Variants in PHACTR2 observed in about 807,000 individuals in gnomAD.
PHACTR2 encodes phosphatase and actin regulator 2.
A neutral mutation model predicts 76.0 loss-of-function variants in PHACTR2; 30 were observed. The ratio of observed to expected loss-of-function variants is 0.39; its 90% confidence interval spans 0.30 to 0.54. PHACTR2 has a LOEUF of 0.54. Ranked by LOEUF, PHACTR2 falls within the 20% of genes least tolerant of loss-of-function variation. The pLI, the probability that PHACTR2 is intolerant of heterozygous loss-of-function variation, is 0.61. For missense variants in PHACTR2, 696 were observed against 781.1 expected (o/e 0.89, Z 1.30); for synonymous variants, 292 against 292.5 (o/e 1.00, Z 0.02).
At chr6:143,636,333 T>G (rs1368534465) in intron 1 of PHACTR2, among the ~76,000 whole-genome samples, 1 of 152,114 alleles carries the variant, frequency 6.6e-6, no homozygotes, top group Non-Finnish European at 1.5e-5. Context: ...ACATAAGGGG[T>G]GAGGTTGGGA....
At chr6:143,665,153 A>G (rs1777012023) in intron 1 of PHACTR2, among the ~76,000 whole-genome samples, 1 of 152,212 alleles carries the variant, frequency 6.6e-6, no homozygotes, top group African/African-American at 2.4e-5. Context: ...TCAGTGATTA[A>G]TTACTTTTAG....
At position 143,777,229 on chromosome 6, in the gene PHACTR2, T is replaced by A; in HGVS notation, c.1590-99T>A. The A allele has an allele frequency of 1.6e-6, 1 of 630,562 alleles. No homozygotes were observed. The highest frequency in any genetic ancestry group is 3.3e-5 in the Admixed American group (1 of 30,184). The allele number at this position is 630,562 out of a possible 1,614,324, so 39.1% of individuals were successfully genotyped here. On this transcript the variant is annotated intron_variant, in intron 8 of 12. Coordinates refer to ENST00000440869, the MANE Select transcript of PHACTR2 (RefSeq NM_001100164.2). The surrounding 1 kb of genome is among the most constrained non-coding windows in gnomAD (Gnocchi z 4.6). Reference sequence around the variant, plus strand: ...TGCAGCTTTAAAAATGGATTTTTATTTCTCAAAACATGAAAAATAGAGCTT... The same window carrying A: ...TGCAGCTTTAAAAATGGATTTTTATATCTCAAAACATGAAAAATAGAGCTT...
In PHACTR2 at chr6:143,710,338, C is replaced by T. The variant is rs765254451; in HGVS notation, c.47-1678C>T. Among the ~76,000 whole-genome samples the T allele has an allele frequency of 3.9e-5, 6 of 152,198 alleles. No homozygotes were observed. The highest frequency in any genetic ancestry group is 8.8e-5 in the Non-Finnish European group (6 of 68,030). ...CCCTTGGCCTTACAGAATTTTCTTA[C>T]ATTTTTATGTAACACCCGTGGTTGT... is the stretch of plus-strand genomic sequence containing the variant. On this transcript the variant is annotated intron_variant, in intron 1 of 12. Coordinates refer to ENST00000440869, the MANE Select transcript of PHACTR2 (RefSeq NM_001100164.2). The surrounding 1 kb of genome is among the most constrained non-coding windows in gnomAD (Gnocchi z 4.9).
At position 143,549,354 on chromosome 6, in the gene PHACTR2, C is replaced by T. The variant is rs536789467; in HGVS notation, c.217+12147C>T. On this transcript the variant is annotated intron_variant, in intron 1 of 11. Transcript: ENST00000367584. This position sits in a 1 kb window ranked among gnomAD's most constrained non-coding sequence, Gnocchi z 4.2. The stretch of plus-strand genomic sequence containing the variant: ...TGGATTCAGAGGCCTGCTCGGGGTG[C>T]GGGATGGCATTCCTTTGGCTTAATC... Among the ~76,000 whole-genome samples, 3 of 152,132 alleles carry T rather than the reference C, an allele frequency of 2.0e-5. No homozygotes were observed. The highest frequency in any genetic ancestry group is 4.8e-5 in the African/African-American group (2 of 41,550).
At chr6:143,719,561 G>T (rs1016789533) in intron 2 of PHACTR2, among the ~76,000 whole-genome samples, 4 of 148,982 alleles carry the variant, frequency 2.7e-5, no homozygotes, top group African/African-American at 9.8e-5. Context: ...TGTTAGCCAG[G>T]CTGGTCTTGA....
At position 143,656,975 on chromosome 6, in the gene PHACTR2, C is replaced by G. The variant is rs1776859243; in HGVS notation, c.13+48653C>G. On this transcript the variant is annotated intron_variant, in intron 1 of 11. Coordinates refer to the PHACTR2 transcript ENST00000305766. This position sits in a 1 kb window ranked among gnomAD's most constrained non-coding sequence, Gnocchi z 5.3. ...TGATGTGGCTACTTTTTATTTTTTA[C>G]TTTTCAAAAATTGTGGTACACACTG... Among the ~76,000 whole-genome samples, 1 of 151,338 alleles carries G rather than the reference C, an allele frequency of 6.6e-6. No homozygotes were observed. Among genetic ancestry groups the G allele is most frequent in the Non-Finnish European group, 1.5e-5 (1 of 67,956 alleles).
At chr6:143,796,654 T>C (rs1404694674) in intron 11 of PHACTR2, among the ~76,000 whole-genome samples, 1 of 151,760 alleles carries the variant, frequency 6.6e-6, no homozygotes, top group Non-Finnish European at 1.5e-5. Flanking sequence ...AGTGAGAACA[T>C]GCGGTGTTTG....
In PHACTR2 at chr6:143,583,578, AAGGC is replaced by A. The variant is rs1775596936; in HGVS notation, c.217+46374_217+46377del. On this transcript the variant is annotated intron_variant, in intron 1 of 11. Transcript: ENST00000367584. The surrounding 1 kb of genome is among the most constrained non-coding windows in gnomAD (Gnocchi z 4.0). The stretch of plus-strand genomic sequence containing the variant: ...TGTACAACACCTTTGTCTTGCCTGG[AAGGC>A]AGTGTGTTAGTATGGAGAGAGCGAG... 6.6e-6 allele frequency among the ~76,000 whole-genome samples: 1 copy of A among 152,276 alleles called. No individual in the cohort carries two copies. The highest frequency in any genetic ancestry group is 1.5e-5 in the Non-Finnish European group (1 of 68,046).
rs552044094 is a variant in PHACTR2, at chr6:143,597,361, A to G, written c.217+60154A>G. Among the ~76,000 whole-genome samples the G allele has an allele frequency of 3.3e-5, 5 of 152,240 alleles. No individual in the cohort carries two copies. Among genetic ancestry groups the G allele is most frequent in the Non-Finnish European group, 7.3e-5 (5 of 68,044 alleles). On this transcript the variant is annotated intron_variant, in intron 1 of 11. Transcript: ENST00000367584. This position sits in a 1 kb window ranked among gnomAD's most constrained non-coding sequence, Gnocchi z 5.7. ...ACATAATACTGGCTTCCAGGTGAGT[A>G]GTAAAGACCTCATGCATTTTCATTA...
chr6:143,660,569 A>T (rs1314261699), intron 1 of PHACTR2, among the ~76,000 whole-genome samples: 1 of 152,190 alleles, frequency 6.6e-6, no homozygotes, highest in Non-Finnish European at 1.5e-5. Context: ...ATTGATACGG[A>T]TCAGGTTCAT....
Position 143,547,693 on chromosome 6 carries a change from G to C in PHACTR2, c.217+10486G>C, listed in dbSNP as rs978023476. On this transcript the variant is annotated intron_variant, in intron 1 of 11. Coordinates refer to the PHACTR2 transcript ENST00000367584. This position sits in a 1 kb window ranked among gnomAD's most constrained non-coding sequence, Gnocchi z 4.2. ...ACTCCCTTCTTCGAATGAAGGAAAA[G>C]GGGTTTGTTTGTCTATTTGTTAACA... Among the ~76,000 whole-genome samples, 2 of 152,184 alleles carry C rather than the reference G, an allele frequency of 1.3e-5. No individual in the cohort carries two copies. The highest frequency in any genetic ancestry group is 4.8e-5 in the African/African-American group (2 of 41,436).
At position 143,764,136 on chromosome 6, in the gene PHACTR2, A is replaced by T. The variant is rs1421823563; in HGVS notation, c.695-1125A>T. ...TATCCTTCGATGAAGACCTTCTTGG[A>T]ACTTAAGCATTAAGGAAGATCACAT... On this transcript the variant is annotated intron_variant, in intron 5 of 12. Transcript: ENST00000440869. The surrounding 1 kb of genome is among the most constrained non-coding windows in gnomAD (Gnocchi z 4.7). Among the ~76,000 whole-genome samples, 1 of 152,254 alleles carries T rather than the reference A, an allele frequency of 6.6e-6. No homozygotes were observed. Among genetic ancestry groups the T allele is most frequent in the African/African-American group, 2.4e-5 (1 of 41,464 alleles).
rs1776416452 is a variant in PHACTR2 at position 143,821,502 on chromosome 6, C to T, written c.1923-2172C>T. 6.6e-6 allele frequency among the ~76,000 whole-genome samples: 1 copy of T among 152,208 alleles called. No individual in the cohort carries two copies. The highest frequency in any genetic ancestry group is 1.5e-5 in the Non-Finnish European group (1 of 68,034). ...AAAAATGGATAAGAAAGTTTCCTTCCTCAGCTTCTCATGATCCAATAGCAA... is the reference window on the plus strand; with the variant it reads ...AAAAATGGATAAGAAAGTTTCCTTCTTCAGCTTCTCATGATCCAATAGCAA... On this transcript the variant is annotated intron_variant, in intron 12 of 12. Transcript: ENST00000440869. The surrounding 1 kb of genome is among the most constrained non-coding windows in gnomAD (Gnocchi z 5.2).
chr6:143,724,105 C>G (rs1305212213), intron 2 of PHACTR2, among the ~76,000 whole-genome samples: 3 of 150,906 alleles, frequency 2.0e-5, no homozygotes, highest in African/African-American at 7.3e-5. Context: ...TGGGATTACA[C>G]GTGTGTGAGA....
rs1775732174 is a variant in PHACTR2, at chr6:143,793,159, C to A, written c.1845+4249C>A. On this transcript the variant is annotated intron_variant, in intron 11 of 12. Transcript: ENST00000440869. The surrounding 1 kb of genome is among the most constrained non-coding windows in gnomAD (Gnocchi z 4.4). ...CAGGGAGAGTCTAAATGACTAACCA[C>A]CCTCATGTGGAAACTAAATTGTCCA... Among the ~76,000 whole-genome samples, 4 of 152,190 alleles carry A rather than the reference C, an allele frequency of 2.6e-5. No individual in the cohort carries two copies. In the South Asian group the frequency reaches 8.3e-4, roughly 31 times the overall value.
rs1242620182 is a variant in PHACTR2, at chr6:143,618,111, TAA to T, written c.13+9790_13+9791del. ...AGCACTGCTATGATTTAATCATCAC[TAA>T]CTGTATCTGTACCAAGAGGCTGGGT... On this transcript the variant is annotated intron_variant, in intron 1 of 11. Transcript: ENST00000305766. The surrounding 1 kb of genome is among the most constrained non-coding windows in gnomAD (Gnocchi z 5.2). Among the ~76,000 whole-genome samples, 1 of 152,196 alleles carries T rather than the reference TAA, an allele frequency of 6.6e-6. No homozygotes were observed.
At chr6:143,665,795 C>G (rs201719220) in intron 1 of PHACTR2, among the ~76,000 whole-genome samples, 1 of 152,280 alleles carries the variant, frequency 6.6e-6, no homozygotes, top group East Asian at 1.9e-4. Context: ...AAAACAAAAG[C>G]CAGATCATGT....
In PHACTR2 at chr6:143,537,533, G is replaced by C. The variant is rs1451000306; in HGVS notation, c.217+326G>C. Among the ~76,000 whole-genome samples the C allele has an allele frequency of 6.6e-6, 1 of 152,162 alleles. No homozygotes were observed. Among genetic ancestry groups the C allele is most frequent in the Non-Finnish European group, 1.5e-5 (1 of 68,010 alleles). ...GCAGCACCGCAGCTTGGCTTCCGAG[G>C]CTTTTCCATCAGAAAGAGGAACATT... is the stretch of plus-strand genomic sequence containing the variant. On this transcript the variant is annotated intron_variant, in intron 1 of 11. Coordinates refer to the PHACTR2 transcript ENST00000367584. The surrounding 1 kb of genome is among the most constrained non-coding windows in gnomAD (Gnocchi z 4.4).
chr6:143,740,099 A>G (rs1778906760), intron 2 of PHACTR2, among the ~76,000 whole-genome samples: 1 of 152,198 alleles, frequency 6.6e-6, no homozygotes, highest in Non-Finnish European at 1.5e-5. Flanking sequence ...TTTTATGGTT[A>G]TGTCATGATT....
Sources: allele counts gnomAD v4.1 joint callset (sites outside exome capture counted in the v4.1 genomes callset), GRCh38; gene constraint gnomAD v4.1.1; non-coding constraint Gnocchi (gnomAD v3.1); transcripts MANE v1.5; gene names NCBI Gene and HGNC (gene_info 2026-07-23, HGNC 2026-07-21).